The following KIFC1 variants were observed in gnomAD, a reference collection of about 807,000 sequenced individuals.
KIFC1 encodes kinesin-like protein KIFC1.
Under a neutral mutation model 66.6 loss-of-function variants are expected in KIFC1, and 37 were observed. The observed-to-expected ratio is 0.56, with a 90% CI of 0.43 to 0.73. The LOEUF (loss-of-function observed/expected upper bound fraction) is 0.73. Ranked by LOEUF, KIFC1 falls within the 30% of genes least tolerant of loss-of-function variation. The pLI, the probability that KIFC1 is intolerant of heterozygous loss-of-function variation, is 0.00. For missense variants in KIFC1, 721 were observed against 859.8 expected (o/e 0.84, Z 2.02); for synonymous variants, 325 against 343.5 (o/e 0.95, Z 0.60).
rs181827069 is a variant in KIFC1, at chr6:33,403,358, A to C, written c.295A>C (p.Ile99Leu). ...KKTGPRCSTA[I>L]ATGLKNQKPV... is the part of the protein sequence containing the mutation. ...GACAGGACCCCGGTGTTCCACAGCT[A>C]TTGCCACAGGTAACTGTGCTCAAGA... Residue 99 changes from isoleucine (I) to leucine (L), a missense_variant, in exon 4 of 11, where the codon ATT becomes CTT. Physicochemically the swap from Ile to Leu is conservative, Grantham distance 5 (BLOSUM62 2). Coordinates refer to ENST00000428849, the MANE Select transcript of KIFC1 (RefSeq NM_002263.4). This position sits in a 1 kb window ranked among gnomAD's most constrained non-coding sequence, Gnocchi z 4.6. 6 of 1,614,100 alleles carry C rather than the reference A, an allele frequency of 3.7e-6. No homozygotes were observed. The African/African-American group carries it at 6.7e-5, about 18-fold the overall frequency.
Position 33,405,240 on chromosome 6 carries a change from G to T in KIFC1, c.1145G>T (p.Ser382Ile). 1 of 1,614,218 alleles carries T rather than the reference G, an allele frequency of 6.2e-7. No individual in the cohort carries two copies. Among genetic ancestry groups the T allele is most frequent in the Non-Finnish European group, 8.5e-7 (1 of 1,180,038 alleles). The change falls in exon 7 of 11, where the codon AGT (serine) becomes ATT (isoleucine). Residue 382 changes from serine to isoleucine, a missense_variant. By Grantham distance (142) the Ser-to-Ile change is moderately radical (BLOSUM62 -2). Transcript: ENST00000428849. The surrounding 1 kb of genome is among the most constrained non-coding windows in gnomAD (Gnocchi z 5.4). Reference sequence around the variant, plus strand: ...TTTGACCGGGTATTCCCACCAGGAAGTGGACAGGATGAAGTGTTTGAAGAG... The same window carrying T: ...TTTGACCGGGTATTCCCACCAGGAATTGGACAGGATGAAGTGTTTGAAGAG... ...FSFDRVFPPG[S>I]GQDEVFEEIA...
chr6:33,406,933 T>C lies in KIFC1; in HGVS notation c.1977+58T>C, dbSNP rs1775693247. On this transcript the variant is annotated intron_variant, in intron 10 of 10. Coordinates refer to ENST00000428849, the MANE Select transcript of KIFC1 (RefSeq NM_002263.4). The surrounding 1 kb of genome is among the most constrained non-coding windows in gnomAD (Gnocchi z 4.5). ...CCGTGGGTGGTTGTAGGCTTCTCCA[T>C]TCCAATCCCTTTTGTCTTCTAGGGC... 4 of 1,608,404 alleles carry C rather than the reference T, an allele frequency of 2.5e-6. No individual in the cohort carries two copies. In the East Asian group the frequency reaches 8.9e-5, roughly 36 times the overall value.
intron 10 of KIFC1, 134 bp from the exon 11 acceptor site, chr6:33,409,512 C>A: frequency 2.3e-6 from 2 of 879,916 alleles, no homozygotes; most frequent in South Asian, 1.4e-5. Flanking sequence ...CTGGCACCAG[C>A]CTGAACCAGC....
In KIFC1 at chr6:33,405,086, C is replaced by G; in HGVS notation, c.991C>G (p.Leu331Val). 6.2e-7 allele frequency: 1 copy of G among 1,614,130 alleles called. No individual in the cohort carries two copies. Among genetic ancestry groups the G allele is most frequent in the Non-Finnish European group, 8.5e-7 (1 of 1,180,004 alleles). The change falls in exon 7 of 11, where the codon CTC (leucine) becomes GTC (valine). Residue 331 changes from leucine (L) to valine (V), a missense_variant. Transcript: ENST00000428849. This position sits in a 1 kb window ranked among gnomAD's most constrained non-coding sequence, Gnocchi z 5.4. ...LPGEPTPPPG[L>V]LLFPSGPGGP... ...GGGGGAGCCCACTCCACCCCCTGGC[C>G]TCCTCCTGTTTCCCTCTGGCCCTGG...
In KIFC1 at chr6:33,404,983, G is replaced by A. The variant is rs1252255167; in HGVS notation, c.888G>A (p.Glu296=). ...AACGTCTTCATGGGCTAGAAATGGAGCGCCGGCGACTGCACAACCAGCTGC... is the reference window on the plus strand; with the variant it reads ...AACGTCTTCATGGGCTAGAAATGGAACGCCGGCGACTGCACAACCAGCTGC... The part of the protein sequence containing the change: ...REERLHGLEM[E]RRRLHNQLQE... The change falls in exon 7 of 11, where the codon GAG becomes GAA. Residue 296 remains glutamate (E), a synonymous_variant. Transcript: ENST00000428849. The surrounding 1 kb of genome is among the most constrained non-coding windows in gnomAD (Gnocchi z 4.0). 2.5e-6 allele frequency: 4 copies of A among 1,614,142 alleles called. No individual in the cohort carries two copies. The highest frequency in any genetic ancestry group is 1.6e-4 in the Middle Eastern group (1 of 6,062).
intron 1 of KIFC1, among the ~76,000 whole-genome samples, chr6:33,392,868 T>A (rs1224200287): frequency 1.3e-5 from 2 of 152,202 alleles, no homozygotes; most frequent in Non-Finnish European, 2.9e-5. Flanking sequence ...ACCTACTACA[T>A]GCTAGGCGTG....
intron 1 of KIFC1, among the ~76,000 whole-genome samples, chr6:33,396,405 C>CTTTTCT (rs916672607): frequency 6.8e-6 from 1 of 146,858 alleles, no homozygotes; most frequent in South Asian, 2.2e-4. Flanking sequence ...TGTGTTATTT[C>CTTTTCT]TTTTCTTTTT....
intron 1 of KIFC1, among the ~76,000 whole-genome samples, chr6:33,397,715 G>T (rs543926462): frequency 6.6e-6 from 1 of 152,312 alleles, no homozygotes; most frequent in East Asian, 1.9e-4. Flanking sequence ...AGCCAAAAGG[G>T]CCAGTTGGTT....
rs1775535256 is a variant in KIFC1 at position 33,404,412 on chromosome 6, CCATCCTGAT to C, written c.756+286_756+294del. Among the ~76,000 whole-genome samples the C allele has an allele frequency of 6.6e-6, 1 of 152,114 alleles. No homozygotes were observed. The highest frequency in any genetic ancestry group is 6.5e-5 in the Admixed American group (1 of 15,276). On this transcript the variant is annotated intron_variant, in intron 6 of 10. Transcript: ENST00000428849. This position sits in a 1 kb window ranked among gnomAD's most constrained non-coding sequence, Gnocchi z 4.0. ...CCTCCATCCCTCTTTCTTTGGGTTC[CCATCCTGAT>C]CACAAATTCCTGTGGTACTCTCTTT... is the stretch of plus-strand genomic sequence containing the variant.
chr6:33,400,058 C>T lies in KIFC1; in HGVS notation c.250+1671C>T. 2.8e-6 allele frequency: 2 copies of T among 705,304 alleles called. No homozygotes were observed. The highest frequency in any genetic ancestry group is 3.0e-5 in the South Asian group (2 of 65,990). 43.7% of individuals were successfully genotyped at this position (705,304 alleles called of 1,614,324 possible). A position where few individuals can be genotyped will look rare whatever the true frequency, so the allele number is the denominator to read the frequency against. On this transcript the variant is annotated intron_variant, in intron 3 of 10. Transcript: ENST00000428849. This position sits in a 1 kb window ranked among gnomAD's most constrained non-coding sequence, Gnocchi z 4.3. ...CTTTATTGAAATATTTTCCTTTGTGCTTAACTAGCTGGGCATTCCACAGCA... is the reference window on the plus strand; with the variant it reads ...CTTTATTGAAATATTTTCCTTTGTGTTTAACTAGCTGGGCATTCCACAGCA...
chr6:33,397,885 G>A (rs1775139865), intron 1 of KIFC1, 144 bp from the exon 2 acceptor site: 4 of 832,942 alleles, frequency 4.8e-6, no homozygotes, highest in Admixed American at 2.1e-5. Context: ...TGTTCATGCT[G>A]TCTGGCACAT....
At chr6:33,402,479 T>C (rs923292090) in intron 3 of KIFC1, among the ~76,000 whole-genome samples, 1 of 152,028 alleles carries the variant, frequency 6.6e-6, no homozygotes, top group African/African-American at 2.4e-5. Context: ...CCCAGCACTT[T>C]GGGAGGCTGA....
chr6:33,403,879 A>G lies in KIFC1; in HGVS notation c.506A>G (p.Asp169Gly). Residue 169 changes from aspartate (D) to glycine (G), a missense_variant, in exon 6 of 11, where the codon GAC (aspartate) becomes GGC (glycine). Transcript: ENST00000428849. This position sits in a 1 kb window ranked among gnomAD's most constrained non-coding sequence, Gnocchi z 4.6. ...TLDQENQQLQDQLRDAQQQVK... is the reference protein window; with the variant it reads ...TLDQENQQLQGQLRDAQQQVK... ...GACCAAGAGAACCAGCAGCTTCAGG[A>G]CCAGCTCAGAGATGCCCAGCAGCAG... is the stretch of plus-strand genomic sequence containing the variant. 1 of 1,614,240 alleles carries G rather than the reference A, an allele frequency of 6.2e-7. No individual in the cohort carries two copies. The highest frequency in any genetic ancestry group is 1.3e-5 in the African/African-American group (1 of 75,064).
rs1774800171 is a variant in KIFC1, at chr6:33,391,904, C to T, written c.-82C>T. On this transcript the variant is annotated 5_prime_UTR_variant, in exon 1 of 11. Coordinates refer to ENST00000428849, the MANE Select transcript of KIFC1 (RefSeq NM_002263.4). ...TTCTCTACCCTGCTTCGCGAGCGGG[C>T]GAGAGAACGCGAGTCCCAGGATCCC... 1 of 1,546,506 alleles carries T rather than the reference C, an allele frequency of 6.5e-7. No homozygotes were observed. The highest frequency in any genetic ancestry group is 1.1e-5 in the South Asian group (1 of 88,962).
chr6:33,393,191 C>T (rs1774871669), intron 1 of KIFC1, among the ~76,000 whole-genome samples: 1 of 152,048 alleles, frequency 6.6e-6, no homozygotes, highest in Non-Finnish European at 1.5e-5. Flanking sequence ...AGGGAATCTG[C>T]TAGAGCAGAG....
chr6:33,398,712 C>T (rs1339161654), intron 3 of KIFC1, among the ~76,000 whole-genome samples: 5 of 152,130 alleles, frequency 3.3e-5, no homozygotes, highest in African/African-American at 1.2e-4. Flanking sequence ...GTGATCCACC[C>T]GCCTCTGCCT....
rs778742940 is a variant in KIFC1, at chr6:33,405,515, G to A, written c.1420G>A (p.Ala474Thr). 1.4e-5 allele frequency: 23 copies of A among 1,612,456 alleles called. No individual in the cohort carries two copies. Among genetic ancestry groups the A allele is most frequent in the Non-Finnish European group, 2.0e-5 (23 of 1,179,242 alleles). ...IYNETVRDLL[A>T]TGTRKGQGGE... Reference sequence around the variant, plus strand: ...CAATGAGACTGTCCGGGACCTGCTGGCCACTGGAACCCGGAAGGGTCAAGG... The same window carrying A: ...CAATGAGACTGTCCGGGACCTGCTGACCACTGGAACCCGGAAGGGTCAAGG... The change falls in exon 7 of 11, where the codon GCC becomes ACC. Residue 474 changes from alanine to threonine, a missense_variant. Transcript: ENST00000428849. The surrounding 1 kb of genome is among the most constrained non-coding windows in gnomAD (Gnocchi z 5.4).
In KIFC1 at chr6:33,398,119, C is replaced by T. The variant is rs772173377; in HGVS notation, c.103C>T (p.Leu35Phe). The change falls in exon 2 of 11, where the codon CTC becomes TTC. Residue 35 changes from leucine (L) to phenylalanine (F), a missense_variant. Coordinates refer to ENST00000428849, the MANE Select transcript of KIFC1 (RefSeq NM_002263.4). ...PSQLPLSGSR[L>F]KRRPDQMEDG... Reference sequence around the variant, plus strand: ...CCAGCTGCCTCTCTCAGGAAGCAGACTCAAGAGGAGGCCTGACCAGATGGA... The same window carrying T: ...CCAGCTGCCTCTCTCAGGAAGCAGATTCAAGAGGAGGCCTGACCAGATGGA... 1.2e-6 allele frequency: 2 copies of T among 1,614,132 alleles called. No homozygotes were observed. Among genetic ancestry groups the T allele is most frequent in the South Asian group, 2.2e-5 (2 of 91,084 alleles).
chr6:33,399,694 AAATAT>A (rs1464871327), intron 3 of KIFC1, among the ~76,000 whole-genome samples: 6 of 152,226 alleles, frequency 3.9e-5, no homozygotes, highest in Non-Finnish European at 4.4e-5. Flanking sequence ...GGTACAGTTA[AAATAT>A]AATATAAATG....
Sources: gnomAD v4.1 joint callset for allele counts (sites outside exome capture counted in the v4.1 genomes callset) on GRCh38, gnomAD v4.1.1 for gene constraint, Gnocchi (gnomAD v3.1) non-coding constraint, MANE v1.5 for transcripts, NCBI Gene and HGNC (gene_info 2026-07-23, HGNC 2026-07-21) for gene names.